The following MYO9A variants were observed in gnomAD, a reference collection of about 807,000 sequenced individuals.
MYO9A encodes the protein unconventional myosin-IXa.
Under a neutral mutation model 293.3 loss-of-function variants are expected in MYO9A, and 103 were observed. The observed-to-expected ratio is 0.35, with a 90% CI of 0.30 to 0.41. MYO9A has a LOEUF of 0.41. MYO9A is among the 10% of genes least tolerant of loss of function. MYO9A has a pLI of 1.00. For missense variants in MYO9A, 2,685 were observed against 3,033.0 expected, an observed-to-expected ratio of 0.89 and a Z score of 2.69; for synonymous variants, 1,001 against 1,035.7, an observed-to-expected ratio of 0.97 and a Z score of 0.64.
At chr15:71,865,169 G>A (rs1377561242) in intron 32 of MYO9A, among the ~76,000 whole-genome samples, 1 of 152,162 alleles carries the variant, frequency 6.6e-6, no homozygotes, top group African/African-American at 2.4e-5. Context: ...AAACTTGGCA[G>A]ATACAAGTTT....
intron 1 of MYO9A, among the ~76,000 whole-genome samples, chr15:72,117,363 CGTAGTCTA>C (rs1267444222): frequency 3.3e-5 from 5 of 152,086 alleles, no homozygotes; most frequent in African/African-American, 1.2e-4. Flanking sequence ...GAGGATGTAA[CGTAGTCTA>C]GAAGCTCCAT....
intron 11 of MYO9A, among the ~76,000 whole-genome samples, chr15:71,983,316 C>T (rs1183181735): frequency 1.3e-5 from 2 of 151,522 alleles, no homozygotes; most frequent in Non-Finnish European, 1.5e-5. Context: ...GTATCCTTAA[C>T]TTATCACTAA....
At chr15:71,935,931 C>T (rs1369220110) in intron 16 of MYO9A, among the ~76,000 whole-genome samples, 2 of 150,962 alleles carry the variant, frequency 1.3e-5, no homozygotes, top group East Asian at 3.9e-4. Flanking sequence ...CACACACACA[C>T]TCACTACTCA....
At chr15:71,908,280 C>A (rs1178314225) in intron 19 of MYO9A, among the ~76,000 whole-genome samples, 2 of 152,082 alleles carry the variant, frequency 1.3e-5, no homozygotes, top group Non-Finnish European at 2.9e-5. Context: ...TTTCTGAGGG[C>A]TCTGTTCTGT....
At position 72,007,822 on chromosome 15, in the gene MYO9A, T is replaced by A. The variant is rs1247418840; in HGVS notation, c.1380+4A>T. Reference sequence around the variant, plus strand: ...AAATGACAACTGAAAATGTAATCACTCACCTCTAATAATTCTGAGACAATA... The same window carrying A: ...AAATGACAACTGAAAATGTAATCACACACCTCTAATAATTCTGAGACAATA... On this transcript the variant is annotated splice_donor_region_variant and intron_variant, in intron 8 of 41. Transcript: ENST00000356056. The A allele has an allele frequency of 6.2e-7, 1 of 1,601,944 alleles. No individual in the cohort carries two copies. Among genetic ancestry groups the A allele is most frequent in the South Asian group, 1.1e-5 (1 of 87,634 alleles).
intron 34 of MYO9A, among the ~76,000 whole-genome samples, chr15:71,857,435 T>C (rs1040950151): frequency 2.0e-5 from 3 of 152,120 alleles, no homozygotes; most frequent in Non-Finnish European, 4.4e-5. Flanking sequence ...AAGACCCAGA[T>C]TAAGAAACAG....
At chr15:71,829,321 T>G (rs1485822188) in intron 40 of MYO9A, among the ~76,000 whole-genome samples, 3 of 152,064 alleles carry the variant, frequency 2.0e-5, no homozygotes, top group Non-Finnish European at 4.4e-5. Context: ...TTATATCCCC[T>G]TATAAACCAA....
intron 19 of MYO9A, among the ~76,000 whole-genome samples, chr15:71,911,178 G>A (rs1035906382): frequency 6.6e-6 from 1 of 152,184 alleles, no homozygotes; most frequent in South Asian, 2.1e-4. Context: ...GGCTTTTCCT[G>A]TGATTATAAA....
At chr15:71,958,457 G>A (rs192359635) in intron 14 of MYO9A, 28 of 152,114 alleles carry the variant, frequency 1.8e-4, no homozygotes, top group African/African-American at 5.8e-4. Flanking sequence ...AATTACTTTC[G>A]GAAACAAATC....
chr15:71,953,263 T>A (rs2059095938), intron 14 of MYO9A, among the ~76,000 whole-genome samples: 1 of 152,206 alleles, frequency 6.6e-6, no homozygotes, highest in South Asian at 2.1e-4. Context: ...ATGGATTGCT[T>A]GGAGAAAGAA....
intron 1 of MYO9A, among the ~76,000 whole-genome samples, chr15:72,062,031 G>A (rs188717908): frequency 7.2e-5 from 11 of 152,316 alleles, no homozygotes; most frequent in African/African-American, 2.4e-4. Flanking sequence ...AGTAAGGGAA[G>A]AGAACAAGAG....
At chr15:71,904,790 A>G in intron 20 of MYO9A, 136 bp downstream of exon 20, 1 of 473,040 alleles carries the variant, frequency 2.1e-6, no homozygotes, top group Non-Finnish European at 3.5e-6. Context: ...AAATCCATTT[A>G]AAGTGTTTAT....
intron 1 of MYO9A, among the ~76,000 whole-genome samples, chr15:72,091,078 A>G (rs2079891679): frequency 6.6e-6 from 1 of 152,116 alleles, no homozygotes. Flanking sequence ...TCATACCTGT[A>G]GTCCTAGCTA....
chr15:71,880,581 C>A, intron 28 of MYO9A, 23 bp from the exon 29 acceptor site: 2 of 1,572,386 alleles, frequency 1.3e-6, no homozygotes, highest in South Asian at 2.3e-5. Flanking sequence ...ATAGAAGACC[C>A]AAAAGGACAC....
intron 14 of MYO9A, among the ~76,000 whole-genome samples, chr15:71,952,750 T>C (rs1175213336): frequency 6.6e-6 from 1 of 152,168 alleles, no homozygotes; most frequent in African/African-American, 2.4e-5. Flanking sequence ...CATAATAATA[T>C]AGAGGCAAAT....
intron 1 of MYO9A, chr15:72,117,309 C>T: frequency 6.5e-6 from 1 of 152,884 alleles, no homozygotes; most frequent in Non-Finnish European, 1.5e-5. Flanking sequence ...GGTTAGGGGG[C>T]GGTCGAGACT....
chr15:71,835,204 A>G (rs987482264), intron 39 of MYO9A, among the ~76,000 whole-genome samples: 19 of 152,238 alleles, frequency 1.2e-4, no homozygotes, highest in African/African-American at 4.3e-4. Flanking sequence ...ACTTGGTGGT[A>G]AAAGGTTGAA....
At chr15:72,001,585 G>A (rs2076868120) in intron 8 of MYO9A, among the ~76,000 whole-genome samples, 1 of 149,966 alleles carries the variant, frequency 6.7e-6, no homozygotes, top group South Asian at 2.1e-4. Flanking sequence ...AGATTATAAG[G>A]AGGAGATTGA....
intron 16 of MYO9A, among the ~76,000 whole-genome samples, chr15:71,936,567 T>C (rs574083812): frequency 2.2e-4 from 34 of 152,134 alleles, no homozygotes; most frequent in Non-Finnish European, 4.0e-4. Context: ...ACACAATGTA[T>C]ACAGGTATCA....
Sources: gnomAD v4.1 joint callset for allele counts (sites outside exome capture counted in the v4.1 genomes callset) on GRCh38, gnomAD v4.1.1 for gene constraint, MANE v1.5 for transcripts, NCBI Gene and HGNC (gene_info 2026-07-23, HGNC 2026-07-21) for gene names.